Variants in HPRT1 observed in about 807,000 individuals in gnomAD.
HPRT1 encodes hypoxanthine-guanine phosphoribosyltransferase.
HPRT1 carries 4 observed loss-of-function variants against 19.0 expected under a neutral mutation model. The observed-to-expected ratio is 0.21, with a 90% CI of 0.10 to 0.48. The LOEUF (loss-of-function observed/expected upper bound fraction) is 0.48. Among genes scored for constraint, HPRT1 ranks in the 20% least tolerant of loss-of-function variants. HPRT1 has a pLI of 0.98. For missense variants in HPRT1, 65 were observed against 164.0 expected, an observed-to-expected ratio of 0.40 and a Z score of 3.30; for synonymous variants, 53 against 54.9, an observed-to-expected ratio of 0.97 and a Z score of 0.15.
intron 8 of HPRT1, among the ~76,000 whole-genome samples, chrX:134,499,570 T>C (rs1162894015): frequency 1.8e-5 from 2 of 111,234 alleles, no homozygotes; most frequent in East Asian, 5.7e-4. Context: ...TTTGGGAGGC[T>C]GAGGCGGGCG....
At chrX:134,485,919 G>A (rs921252724) in intron 3 of HPRT1, among the ~76,000 whole-genome samples, 2 of 112,212 alleles carry the variant, frequency 1.8e-5, no homozygotes, top group Non-Finnish European at 3.8e-5. Flanking sequence ...AGCCTAAGAG[G>A]TATTCCTTAA....
Position 134,473,389 on chromosome X carries a change from G to C in HPRT1, c.58G>C (p.Asp20His). 1 of 1,192,169 alleles carries C rather than the reference G, an allele frequency of 8.4e-7. No individual in the cohort carries two copies. The highest frequency in any genetic ancestry group is 1.1e-6 in the Non-Finnish European group (1 of 877,850). Residue 20 changes from aspartate (D) to histidine (H), a missense_variant, in exon 2 of 9, where the codon GAT (aspartate) becomes CAT (histidine). By Grantham distance (81) the Asp-to-His change is moderately conservative. This residue lies in a region of HPRT1 where 23 missense variants were observed against 29.3 expected (regional missense o/e 0.79). Coordinates refer to ENST00000298556, the MANE Select transcript of HPRT1 (RefSeq NM_000194.3). The part of the protein sequence containing the change: ...ISDDEPGYDL[D>H]LFCIPNHYAE... ...TGATGATGAACCAGGTTATGACCTT[G>C]ATTTATTTTGCATACCTAATCATTA...
chrX:134,470,654 G>C, intron 1 of HPRT1, among the ~76,000 whole-genome samples: 1 of 111,524 alleles, frequency 9.0e-6, no homozygotes, highest in Non-Finnish European at 1.9e-5. Context: ...TAGCATGTGA[G>C]CTAGAGTATT....
At chrX:134,470,211 C>G (rs780916345) in intron 1 of HPRT1, among the ~76,000 whole-genome samples, 1 of 112,092 alleles carries the variant, frequency 8.9e-6, no homozygotes, top group Non-Finnish European at 1.9e-5. Context: ...GGGGCATGTC[C>G]TGGTCCACCT....
At chrX:134,479,224 A>G in intron 3 of HPRT1, among the ~76,000 whole-genome samples, 1 of 112,319 alleles carries the variant, frequency 8.9e-6, no homozygotes, top group Middle Eastern at 4.6e-3. Flanking sequence ...AAGAAGGTTA[A>G]GTATACAAAT....
chrX:134,475,974 C>T (rs1335931179), intron 3 of HPRT1, among the ~76,000 whole-genome samples: 3 of 111,832 alleles, frequency 2.7e-5, no homozygotes, highest in Non-Finnish European at 3.8e-5. Context: ...ATAATTTGAT[C>T]GTGCAAACGT....
At chrX:134,461,233 G>A (rs1165353910) in intron 1 of HPRT1, among the ~76,000 whole-genome samples, 1 of 111,249 alleles carries the variant, frequency 9.0e-6, no homozygotes, top group African/African-American at 3.3e-5. Flanking sequence ...TTGTTGTTTT[G>A]GCAATGACCT....
chrX:134,499,095 A>G (rs1339501996), intron 8 of HPRT1, among the ~76,000 whole-genome samples: 3 of 111,945 alleles, frequency 2.7e-5, no homozygotes, highest in Non-Finnish European at 5.6e-5. Context: ...CACTACCTAA[A>G]GCAGGTTTTT....
intron 3 of HPRT1, among the ~76,000 whole-genome samples, chrX:134,478,392 G>A (rs1194650442): frequency 1.8e-5 from 2 of 111,295 alleles, no homozygotes; most frequent in Non-Finnish European, 3.8e-5. Context: ...CGAGGTGGGA[G>A]AATCACTTGA....
intron 1 of HPRT1, among the ~76,000 whole-genome samples, chrX:134,469,200 T>C (rs1007218889): frequency 1.8e-5 from 2 of 111,111 alleles, no homozygotes; most frequent in African/African-American, 6.6e-5. Flanking sequence ...TACCCAAATA[T>C]ATATATATGT....
intron 2 of HPRT1, among the ~76,000 whole-genome samples, chrX:134,473,776 A>G (rs765096233): frequency 8.0e-4 from 90 of 112,138 alleles, no homozygotes; most frequent in African/African-American, 2.8e-3. Context: ...GCTGAATCAC[A>G]TGAAGGCAAG....
At chrX:134,478,573 G>A (rs1247743475) in intron 3 of HPRT1, among the ~76,000 whole-genome samples, 1 of 111,741 alleles carries the variant, frequency 8.9e-6, no homozygotes, top group Non-Finnish European at 1.9e-5. Flanking sequence ...AGACTGAGTG[G>A]AATGCAGTGG....
intron 2 of HPRT1, among the ~76,000 whole-genome samples, chrX:134,474,582 G>A (rs1274392153): frequency 1.8e-5 from 2 of 109,673 alleles, no homozygotes; most frequent in Non-Finnish European, 3.8e-5. Context: ...ACCACTCCCA[G>A]CTAATATTTT....
At chrX:134,481,541 A>ATCTG (rs1382719639) in intron 3 of HPRT1, among the ~76,000 whole-genome samples, 2 of 109,346 alleles carry the variant, frequency 1.8e-5, no homozygotes, top group Non-Finnish European at 1.9e-5. Context: ...CTATCTATCT[A>ATCTG]TCTATCTATC....
intron 6 of HPRT1, among the ~76,000 whole-genome samples, chrX:134,495,231 G>C (rs1309983469): frequency 9.4e-6 from 1 of 106,302 alleles, no homozygotes; most frequent in Non-Finnish European, 1.9e-5. Flanking sequence ...GCATGGCCTA[G>C]ATGACTTCTA....
intron 6 of HPRT1, among the ~76,000 whole-genome samples, chrX:134,497,157 G>A (rs181392391): frequency 1.6e-3 from 174 of 111,659 alleles, no homozygotes; most frequent in African/African-American, 5.4e-3. Context: ...CTCTTTGTAA[G>A]CCAGTTATTA....
intron 3 of HPRT1, among the ~76,000 whole-genome samples, chrX:134,475,975 G>T (rs1268541084): frequency 8.9e-6 from 1 of 111,805 alleles, no homozygotes; most frequent in African/African-American, 3.2e-5. Flanking sequence ...TAATTTGATC[G>T]TGCAAACGTT....
At position 134,490,316 on chromosome X, in the gene HPRT1, G is replaced by A. The variant is rs111630305; in HGVS notation, c.402+111G>A. On this transcript the variant is annotated intron_variant, in intron 5 of 8. Transcript: ENST00000298556. ...TTCCTCTGCATCAGTTTTAATGGTG[G>A]GCTTGTGTTCTAAAGGAGTGAGATT... is the stretch of plus-strand genomic sequence containing the variant. 4.2e-4 allele frequency: 170 copies of A among 407,362 alleles called. 1 individual carries two copies. Among genetic ancestry groups the A allele is most frequent in the African/African-American group, 3.4e-3 (135 of 39,398 alleles). The allele number at this position is 407,362 out of a possible 1,213,427, so 33.6% of individuals were successfully genotyped here.
chrX:134,468,894 T>C (rs1344613455), intron 1 of HPRT1, among the ~76,000 whole-genome samples: 6 of 111,896 alleles, frequency 5.4e-5, no homozygotes, highest in African/African-American at 1.9e-4. Context: ...TTTCGTCTGA[T>C]GATACATTTT....
Sources: gnomAD v4.1 joint callset for allele counts (sites outside exome capture counted in the v4.1 genomes callset) on GRCh38, gnomAD v4.1.1 for gene constraint, gnomAD v4.1.1 regional missense constraint, MANE v1.5 for transcripts, NCBI Gene and HGNC (gene_info 2026-07-23, HGNC 2026-07-21) for gene names.